The following VAMP2 variants were observed in gnomAD, a reference collection of about 807,000 sequenced individuals.
VAMP2 encodes vesicle-associated membrane protein 2.
For missense variants in VAMP2, 95 were observed against 151.3 expected (o/e 0.63, Z 1.95); for synonymous variants, 67 against 57.3 (o/e 1.17, Z -0.76).
At chr17:8,161,025 G>T in intron 4 of VAMP2, 154 bp from the exon 5 acceptor site, 1 of 634,682 alleles carries the variant, frequency 1.6e-6, no homozygotes. Context: ...CATCTACAAA[G>T]CAAGGGGCTA....
At chr17:8,161,281 C>T (rs1983303504) in intron 4 of VAMP2, 192 bp downstream of exon 4, 2 of 799,802 alleles carry the variant, frequency 2.5e-6, no homozygotes, top group East Asian at 2.7e-5. Flanking sequence ...GTTAACAAGA[C>T]TGCCAAGAAC....
chr17:8,161,109 C>T, intron 4 of VAMP2: 1 of 557,200 alleles, frequency 1.8e-6, no homozygotes, highest in Non-Finnish European at 3.2e-6. Flanking sequence ...CTCTGAGCCT[C>T]TGAGACCGCA....
chr17:8,161,439 G>A (rs779761834), intron 4 of VAMP2, 34 bp downstream of exon 4: 1 of 1,613,066 alleles, frequency 6.2e-7, no homozygotes, highest in Non-Finnish European at 8.5e-7. Flanking sequence ...AACCTCTCCA[G>A]GGAAAGGGCC....
In VAMP2 at chr17:8,160,725, GACACACACACGGAC is replaced by G. The variant is rs1211966973; in HGVS notation, c.*116_*129del. ...AATAACAGCTGGCTATTTACAGGGG[GACACACACACGGAC>G]ACACACACACACGGATCCAGGGGAG... On this transcript the variant is annotated 3_prime_UTR_variant, in exon 5 of 5. Transcript: ENST00000316509. The G allele has an allele frequency of 6.9e-6, 5 of 719,676 alleles. No homozygotes were observed. The highest frequency in any genetic ancestry group is 8.6e-6 in the Non-Finnish European group (4 of 462,744). 44.6% of individuals were successfully genotyped at this position (719,676 alleles called of 1,614,324 possible).
At position 8,162,501 on chromosome 17, in the gene VAMP2, C is replaced by A. The variant is rs374021351; in HGVS notation, c.3-132G>T. 1.6e-3 allele frequency: 2,507 copies of A among 1,546,026 alleles called. 28 individuals are homozygous for A. Among genetic ancestry groups the A allele is most frequent in the South Asian group, 0.015 (1,291 of 83,924 alleles). On this transcript the variant is annotated intron_variant, in intron 1 of 4. Transcript: ENST00000316509. The stretch of plus-strand genomic sequence containing the variant: ...CGGGAGGAAGGCCACCCGATGTAAG[C>A]CCTGGTCTCGGTCCAGCCCTGCCGC...
chr17:8,160,743 C>A lies in VAMP2; in HGVS notation c.*112G>T, dbSNP rs1983284561. 1.1e-5 allele frequency: 13 copies of A among 1,142,524 alleles called. No individual in the cohort carries two copies. The highest frequency in any genetic ancestry group is 2.1e-5 in the Admixed American group (1 of 47,844). 70.8% of individuals were successfully genotyped at this position (1,142,524 alleles called of 1,614,324 possible). On this transcript the variant is annotated 3_prime_UTR_variant, in exon 5 of 5. Transcript: ENST00000316509. ...ACAGGGGGACACACACACGGACACA[C>A]ACACACACGGATCCAGGGGAGTGGG... is the stretch of plus-strand genomic sequence containing the variant.
Position 8,160,769 on chromosome 17 carries a change from G to GGT in VAMP2, c.*85_*86insAC, listed in dbSNP as rs1555524517. 7 of 1,498,776 alleles carry GGT rather than the reference G, an allele frequency of 4.7e-6. No homozygotes were observed. Among genetic ancestry groups the GGT allele is most frequent in the Non-Finnish European group, 6.4e-6 (7 of 1,098,312 alleles). The allele number at this position is 1,498,776 out of a possible 1,614,324, so 92.8% of individuals were successfully genotyped here. A position where few individuals can be genotyped will look rare whatever the true frequency, so the allele number is the denominator to read the frequency against. On this transcript the variant is annotated 3_prime_UTR_variant, in exon 5 of 5. Coordinates refer to ENST00000316509, the MANE Select transcript of VAMP2 (RefSeq NM_014232.3). ...ACACACACGGATCCAGGGGAGTGGG[G>GGT]GCTGAAAGATATGGCTGAGAGGTGG...
In VAMP2 at chr17:8,161,527, G is replaced by A. The variant is rs113518408; in HGVS notation, c.283-3C>T. 6.2e-7 allele frequency: 1 copy of A among 1,614,018 alleles called. No homozygotes were observed. The highest frequency in any genetic ancestry group is 1.3e-5 in the African/African-American group (1 of 74,902). On this transcript the variant is annotated splice_region_variant and splice_polypyrimidine_tract_variant and intron_variant, in intron 3 of 4. Coordinates refer to ENST00000316509, the MANE Select transcript of VAMP2 (RefSeq NM_014232.3). Reference sequence around the variant, plus strand: ...ATCACTCCCAAGATGATCATCATCTGGGGGTGAGAGGCGAGGATCAGTAAG... The same window carrying A: ...ATCACTCCCAAGATGATCATCATCTAGGGGTGAGAGGCGAGGATCAGTAAG...
chr17:8,160,924 G>GA lies in VAMP2; in HGVS notation c.335-54dup, dbSNP rs1206915476. On this transcript the variant is annotated intron_variant, in intron 4 of 4. Coordinates refer to ENST00000316509, the MANE Select transcript of VAMP2 (RefSeq NM_014232.3). ...AAGAGGGAGAGGGGAGAGAAAGAGA[G>GA]AGAACAAGAAAGCAGTGTGTCAGGC... 2.1e-6 allele frequency: 3 copies of GA among 1,402,286 alleles called. No individual in the cohort carries two copies. The African/African-American group carries it at 4.2e-5, about 20-fold the overall frequency. 86.9% of individuals were successfully genotyped at this position (1,402,286 alleles called of 1,614,324 possible). A position where few individuals can be genotyped will look rare whatever the true frequency, so the allele number is the denominator to read the frequency against.
intron 2 of VAMP2, 27 bp from the exon 3 acceptor site, chr17:8,161,793 G>C (rs376745606): frequency 6.2e-7 from 1 of 1,604,112 alleles, no homozygotes; most frequent in East Asian, 2.2e-5. Context: ...CGAGGCAGGG[G>C]GGTGTGCCAA....
chr17:8,160,735 C>A lies in VAMP2; in HGVS notation c.*120G>T. The A allele has an allele frequency of 1.1e-6, 1 of 920,822 alleles. No homozygotes were observed. Among genetic ancestry groups the A allele is most frequent in the Non-Finnish European group, 1.6e-6 (1 of 626,874 alleles). The allele number at this position is 920,822 out of a possible 1,614,324, so 57.0% of individuals were successfully genotyped here. On this transcript the variant is annotated 3_prime_UTR_variant, in exon 5 of 5. Transcript: ENST00000316509. Reference sequence around the variant, plus strand: ...GGCTATTTACAGGGGGACACACACACGGACACACACACACACGGATCCAGG... The same window carrying A: ...GGCTATTTACAGGGGGACACACACAAGGACACACACACACACGGATCCAGG...
At chr17:8,161,299 A>G in intron 4 of VAMP2, 174 bp downstream of exon 4, 1 of 959,084 alleles carries the variant, frequency 1.0e-6, no homozygotes, top group East Asian at 2.6e-5. Context: ...AACTAGGCAA[A>G]ATGCAGGCTA....
chr17:8,162,027 C>T (rs1336214911), intron 2 of VAMP2, among the ~76,000 whole-genome samples: 1 of 152,200 alleles, frequency 6.6e-6, no homozygotes, highest in East Asian at 1.9e-4. Flanking sequence ...ATCACCAGAG[C>T]ACACCTGCCC....
Position 8,161,318 on chromosome 17 carries a change from CA to C in VAMP2, c.334+154del, listed in dbSNP as rs1983304786. The C allele has an allele frequency of 4.4e-6, 5 of 1,125,334 alleles. No homozygotes were observed. In the South Asian group the frequency reaches 8.1e-5, roughly 18 times the overall value. 69.7% of individuals were successfully genotyped at this position (1,125,334 alleles called of 1,614,324 possible). The stretch of plus-strand genomic sequence containing the variant: ...AGGCAAAATGCAGGCTAAATAACAT[CA>C]AAGTTTTTGGCTCTAGATGAATCAG... On this transcript the variant is annotated intron_variant, in intron 4 of 4. Transcript: ENST00000316509.
intron 1 of VAMP2, 118 bp downstream of exon 1, chr17:8,162,760 G>C (rs907807634): frequency 8.0e-7 from 1 of 1,249,708 alleles, no homozygotes; most frequent in Non-Finnish European, 1.0e-6. Flanking sequence ...CACCGGCTTG[G>C]GCCTGGCCCC....
At position 8,159,896 on chromosome 17, in the gene VAMP2, G is replaced by A. The variant is rs1983240264; in HGVS notation, c.*959C>T. 6.6e-6 allele frequency: 1 copy of A among 152,610 alleles called. No homozygotes were observed. The highest frequency in any genetic ancestry group is 1.5e-5 in the Non-Finnish European group (1 of 68,068). The allele number at this position is 152,610 out of a possible 1,614,324, so 9.5% of individuals were successfully genotyped here. On this transcript the variant is annotated 3_prime_UTR_variant, in exon 5 of 5. Coordinates refer to ENST00000316509, the MANE Select transcript of VAMP2 (RefSeq NM_014232.3). ...AGTTGAGTACCCCACATGAAAACTG[G>A]GGAGCAGGAATGTAGGGAGAAACCC...
At position 8,159,988 on chromosome 17, in the gene VAMP2, G is replaced by A. The variant is rs1042393105; in HGVS notation, c.*867C>T. On this transcript the variant is annotated 3_prime_UTR_variant, in exon 5 of 5. Transcript: ENST00000316509. Reference sequence around the variant, plus strand: ...CAAGACACTTACATACCAGCTGGGGGAGGGAGAGGAGGGTACAAGAGGTTT... The same window carrying A: ...CAAGACACTTACATACCAGCTGGGGAAGGGAGAGGAGGGTACAAGAGGTTT... The A allele has an allele frequency of 1.3e-5, 2 of 152,610 alleles. No homozygotes were observed. Among genetic ancestry groups the A allele is most frequent in the African/African-American group, 4.8e-5 (2 of 41,434 alleles). 9.5% of individuals were successfully genotyped at this position (152,610 alleles called of 1,614,324 possible). A position where few individuals can be genotyped will look rare whatever the true frequency, so the allele number is the denominator to read the frequency against.
Position 8,162,934 on chromosome 17 carries a change from G to A in VAMP2, c.-55C>T. ...GCGGCAGTGATGGCGGCGGCGGCTC[G>A]CGCTGGCTCCGACTGGCGCTGGCTG... On this transcript the variant is annotated 5_prime_UTR_variant, in exon 1 of 5. Coordinates refer to ENST00000316509, the MANE Select transcript of VAMP2 (RefSeq NM_014232.3). 8.3e-7 allele frequency: 1 copy of A among 1,203,714 alleles called. No homozygotes were observed. The highest frequency in any genetic ancestry group is 1.0e-6 in the Non-Finnish European group (1 of 969,908). 74.6% of individuals were successfully genotyped at this position (1,203,714 alleles called of 1,614,324 possible).
At position 8,160,844 on chromosome 17, in the gene VAMP2, T is replaced by C. The variant is rs1397335698; in HGVS notation, c.*11A>G. The stretch of plus-strand genomic sequence containing the variant: ...AGGCCCTTCTCTAGGCAGGGCAGAC[T>C]CCTCGGGGATTTAAGTGCTGAAGTA... On this transcript the variant is annotated 3_prime_UTR_variant, in exon 5 of 5. Coordinates refer to ENST00000316509, the MANE Select transcript of VAMP2 (RefSeq NM_014232.3). 5 of 1,609,362 alleles carry C rather than the reference T, an allele frequency of 3.1e-6. No homozygotes were observed. Among genetic ancestry groups the C allele is most frequent in the Non-Finnish European group, 4.2e-6 (5 of 1,177,726 alleles).
Sources: allele counts gnomAD v4.1 joint callset (sites outside exome capture counted in the v4.1 genomes callset), GRCh38; gene constraint gnomAD v4.1.1; transcripts MANE v1.5; gene names NCBI Gene and HGNC (gene_info 2026-07-23, HGNC 2026-07-21).